Variants in GPA33 observed in about 807,000 individuals in gnomAD.
GPA33 encodes glycoprotein A33.
In GPA33, 27 loss-of-function variants were observed where a neutral mutation model predicts 35.6. The observed-to-expected ratio is 0.76, with a 90% CI of 0.56 to 1.04. GPA33 has a LOEUF of 1.04. GPA33 is among the 50% of genes least tolerant of loss of function. The probability of loss-of-function intolerance (pLI) is 0.00; values close to 1 mark genes in which losing one functional copy is unlikely to be tolerated. For missense variants in GPA33, 428 were observed against 411.9 expected (o/e 1.04, Z -0.34); for synonymous variants, 176 against 164.0 (o/e 1.07, Z -0.56).
At chr1:167,073,608 C>T in intron 1 of GPA33, 69 bp from the exon 2 acceptor site, 2 of 1,338,068 alleles carry the variant, frequency 1.5e-6, no homozygotes, top group Non-Finnish European at 2.1e-6. Flanking sequence ...TCACTGCCCA[C>T]AGGACCACTG....
Position 167,073,063 on chromosome 1 carries a change from G to GA in GPA33, c.198+321dup, listed in dbSNP as rs930805274. The stretch of plus-strand genomic sequence containing the variant: ...ACACTTCCCAAAAGAATCCAAACAG[G>GA]AAAAAAAACCCATAAAATTTGGCCT... On this transcript the variant is annotated intron_variant, in intron 2 of 6. Coordinates refer to ENST00000367868, the MANE Select transcript of GPA33 (RefSeq NM_005814.3). Among the ~76,000 whole-genome samples the GA allele has an allele frequency of 1.5e-4, 22 of 151,170 alleles. No homozygotes were observed. The South Asian group carries it at 1.5e-3, about 10-fold the overall frequency.
intron 3 of GPA33, among the ~76,000 whole-genome samples, chr1:167,064,681 G>T (rs1666549419): frequency 6.6e-6 from 1 of 152,170 alleles, no homozygotes; most frequent in African/African-American, 2.4e-5. Context: ...GTCCTAGTTT[G>T]CCTACCCCTG....
At chr1:167,070,516 A>T (rs1339947609) in intron 2 of GPA33, among the ~76,000 whole-genome samples, 1 of 152,174 alleles carries the variant, frequency 6.6e-6, no homozygotes. Flanking sequence ...TGAGGTTCAA[A>T]CCGGGCATTG....
rs532593449 is a variant in GPA33, at chr1:167,075,776, C to T, written c.44-2237G>A. Among the ~76,000 whole-genome samples the T allele has an allele frequency of 5.3e-5, 8 of 152,272 alleles. No homozygotes were observed. The South Asian group carries it at 1.7e-3, about 32-fold the overall frequency. On this transcript the variant is annotated intron_variant, in intron 1 of 6. Coordinates refer to ENST00000367868, the MANE Select transcript of GPA33 (RefSeq NM_005814.3). ...ACATGTGGGACTGAACCCTGGGACA[C>T]TCCAGTGCTTCATGATGGAGGAAAT... is the stretch of plus-strand genomic sequence containing the variant.
At chr1:167,059,543 G>A (rs1038205144) in intron 4 of GPA33, among the ~76,000 whole-genome samples, 5 of 151,716 alleles carry the variant, frequency 3.3e-5, no homozygotes, top group Non-Finnish European at 4.4e-5. Context: ...TCTCACAAAG[G>A]GCCCTCACGA....
intron 4 of GPA33, among the ~76,000 whole-genome samples, chr1:167,056,293 C>A (rs1666248883): frequency 6.6e-6 from 1 of 152,160 alleles, no homozygotes; most frequent in Non-Finnish European, 1.5e-5. Flanking sequence ...GCTTTCTAAT[C>A]AGAAGATATT....
intron 1 of GPA33, among the ~76,000 whole-genome samples, chr1:167,073,777 G>A (rs140318643): frequency 1.3e-5 from 2 of 152,244 alleles, no homozygotes; most frequent in Non-Finnish European, 2.9e-5. Flanking sequence ...GAATTGCCTG[G>A]CCCTGAACCT....
At chr1:167,087,932 A>ACACACACACAC (rs374217623) in intron 1 of GPA33, among the ~76,000 whole-genome samples, 6 of 151,782 alleles carry the variant, frequency 4.0e-5, no homozygotes, top group Non-Finnish European at 7.4e-5. Flanking sequence ...ACACACACAC[A>ACACACACACAC]AAGCAGACCA....
rs41270686 is a variant in GPA33 at position 167,053,208 on chromosome 1, G to T, written c.*1126C>A. On this transcript the variant is annotated 3_prime_UTR_variant, in exon 7 of 7. Coordinates refer to ENST00000367868, the MANE Select transcript of GPA33 (RefSeq NM_005814.3). ...CAGGAACAACCAGGAACCCCATGTG[G>T]GTTGAGGAGACATGCCAATTATTCT... 0.14 allele frequency: 22,036 copies of T among 152,300 alleles called. 1,788 individuals are homozygous for T. The highest frequency in any genetic ancestry group is 0.17 in the Middle Eastern group (51 of 294). 9.4% of individuals were successfully genotyped at this position (152,300 alleles called of 1,614,324 possible).
chr1:167,073,620 G>T, intron 1 of GPA33, 81 bp from the exon 2 acceptor site: 1 of 1,268,190 alleles, frequency 7.9e-7, no homozygotes, highest in Non-Finnish European at 1.1e-6. Flanking sequence ...GGACCACTGA[G>T]GGAATGTCCA....
At chr1:167,086,352 C>T (rs550218609) in intron 1 of GPA33, among the ~76,000 whole-genome samples, 1 of 152,364 alleles carries the variant, frequency 6.6e-6, no homozygotes, top group Non-Finnish European at 1.5e-5. Flanking sequence ...GACACCACCC[C>T]GGCTCTGGCC....
At chr1:167,059,398 G>A (rs1305884805) in intron 4 of GPA33, among the ~76,000 whole-genome samples, 1 of 152,094 alleles carries the variant, frequency 6.6e-6, no homozygotes, top group African/African-American at 2.4e-5. Context: ...CTCCAGCTGT[G>A]GAGAGATTCC....
At chr1:167,065,201 AG>A (rs1177252417) in intron 3 of GPA33, among the ~76,000 whole-genome samples, 1 of 152,240 alleles carries the variant, frequency 6.6e-6, no homozygotes, top group Non-Finnish European at 1.5e-5. Flanking sequence ...ATGACCAGAC[AG>A]GAGGCAAGGC....
intron 1 of GPA33, among the ~76,000 whole-genome samples, chr1:167,084,377 T>G (rs1432725050): frequency 2.0e-5 from 3 of 152,210 alleles, no homozygotes; most frequent in Admixed American, 2.0e-4. Context: ...AGTGATGATC[T>G]GAATTTGTAG....
At chr1:167,065,835 A>C (rs563620550) in intron 3 of GPA33, among the ~76,000 whole-genome samples, 103 of 152,244 alleles carry the variant, frequency 6.8e-4, no homozygotes, top group African/African-American at 2.4e-3. Flanking sequence ...AAGAGGTCCA[A>C]AGTTCAAGGC....
At chr1:167,078,123 T>C (rs1666860124) in intron 1 of GPA33, among the ~76,000 whole-genome samples, 1 of 152,206 alleles carries the variant, frequency 6.6e-6, no homozygotes, top group Admixed American at 6.5e-5. Flanking sequence ...CTATTTCCTA[T>C]TTTGTTCCTT....
chr1:167,089,466 G>A (rs1042681619), intron 1 of GPA33, among the ~76,000 whole-genome samples: 5 of 152,274 alleles, frequency 3.3e-5, no homozygotes, highest in African/African-American at 1.2e-4. Context: ...CAAACCCTGC[G>A]TCTCTCAACT....
At chr1:167,059,530 C>T (rs1211924324) in intron 4 of GPA33, among the ~76,000 whole-genome samples, 1 of 151,966 alleles carries the variant, frequency 6.6e-6, no homozygotes, top group African/African-American at 2.4e-5. Context: ...GCTGCCACCT[C>T]TCTCTCACAA....
intron 4 of GPA33, among the ~76,000 whole-genome samples, chr1:167,059,622 C>T (rs1666389705): frequency 1.3e-5 from 2 of 151,992 alleles, no homozygotes; most frequent in South Asian, 4.2e-4. Context: ...CAGAACTACC[C>T]CCTCCCCCAC....
Sources: allele counts gnomAD v4.1 joint callset (sites outside exome capture counted in the v4.1 genomes callset), GRCh38; gene constraint gnomAD v4.1.1; transcripts MANE v1.5; gene names NCBI Gene and HGNC (gene_info 2026-07-23, HGNC 2026-07-21).